Variants in SLC48A1 observed in about 807,000 individuals in gnomAD.
The protein encoded by SLC48A1 is heme transporter HRG1.
In SLC48A1, 6 loss-of-function variants were observed where a neutral mutation model predicts 14.8. The observed-to-expected ratio is 0.41, with a 90% CI of 0.22 to 0.80. The LOEUF (loss-of-function observed/expected upper bound fraction) is 0.80, where lower values mean the gene tolerates loss of function less well. Among genes scored for constraint, SLC48A1 ranks in the 30% least tolerant of loss-of-function variants. SLC48A1 has a pLI of 0.34. For synonymous variants in SLC48A1, 89 were observed against 90.0 expected, an observed-to-expected ratio of 0.99 and a Z score of 0.06; for missense variants, 165 against 204.8, an observed-to-expected ratio of 0.81 and a Z score of 1.19.
upstream of SLC48A1, among the ~76,000 whole-genome samples, chr12:47,770,436 G>T (rs58067800): frequency 6.6e-6 from 1 of 152,140 alleles, no homozygotes; most frequent in Non-Finnish European, 1.5e-5. Flanking sequence ...GCCTGGACCA[G>T]CTCTGAAGCC....
upstream of SLC48A1, chr12:47,770,904 G>T (rs567316685): frequency 7.9e-5 from 36 of 456,148 alleles, no homozygotes; most frequent in African/African-American, 7.0e-4. Flanking sequence ...GCCATCACAC[G>T]TGCGGTTCCC....
upstream of SLC48A1, chr12:47,756,455 G>A (rs1002978391): frequency 7.2e-5 from 11 of 152,290 alleles, no homozygotes; most frequent in African/African-American, 2.4e-4. Context: ...AGGGGTAGCG[G>A]AGGAGGACCC....
upstream of SLC48A1, among the ~76,000 whole-genome samples, chr12:47,770,473 T>C (rs2136857727): frequency 6.6e-6 from 1 of 152,346 alleles, no homozygotes; most frequent in East Asian, 1.9e-4. Context: ...CATGGCAGCC[T>C]TCTGCTGCTA....
chr12:47,779,340 A>C, intron 2 of SLC48A1, 145 bp downstream of exon 2: 2 of 1,236,490 alleles, frequency 1.6e-6, no homozygotes, highest in South Asian at 3.2e-5. Context: ...GTTATGGTTC[A>C]TGTGGAGAAA....
chr12:47,756,926 T>C (rs1424757091), upstream of SLC48A1, among the ~76,000 whole-genome samples: 4 of 151,240 alleles, frequency 2.6e-5, no homozygotes, highest in Non-Finnish European at 5.9e-5. Context: ...CCAAGATTGC[T>C]TCACTGCACT....
chr12:47,763,634 C>G (rs1008730336), intron 2 of SLC48A1, among the ~76,000 whole-genome samples: 1 of 152,198 alleles, frequency 6.6e-6, no homozygotes, highest in African/African-American at 2.4e-5. Flanking sequence ...CTCCCTTGCC[C>G]ATTCCTGGGG....
chr12:47,763,034 TG>T (rs1476054722), intron 2 of SLC48A1, among the ~76,000 whole-genome samples: 2 of 152,196 alleles, frequency 1.3e-5, no homozygotes, highest in Non-Finnish European at 1.5e-5. Flanking sequence ...CCCAGCACAG[TG>T]TCTGGCATGA....
Position 47,781,887 on chromosome 12 carries a change from C to T in SLC48A1, c.*1606C>T, listed in dbSNP as rs1325500919. The T allele has an allele frequency of 6.5e-6, 1 of 152,720 alleles. No individual in the cohort carries two copies. Among genetic ancestry groups the T allele is most frequent in the African/African-American group, 2.4e-5 (1 of 41,464 alleles). The allele number at this position is 152,720 out of a possible 1,614,324, so 9.5% of individuals were successfully genotyped here. A position where few individuals can be genotyped will look rare whatever the true frequency, so the allele number is the denominator to read the frequency against. Reference sequence around the variant, plus strand: ...TCCTGGCATGGGGTAACCACCAGCTCAGCTCTCCTCCTCCAGCTTTCCTCT... The same window carrying T: ...TCCTGGCATGGGGTAACCACCAGCTTAGCTCTCCTCCTCCAGCTTTCCTCT... On this transcript the variant is annotated 3_prime_UTR_variant, in exon 3 of 3. Transcript: ENST00000442218.
chr12:47,766,168 G>A (rs1565777452), intron 2 of SLC48A1, among the ~76,000 whole-genome samples: 1 of 152,176 alleles, frequency 6.6e-6, no homozygotes, highest in South Asian at 2.1e-4. Context: ...CTGGACTAGA[G>A]GGGGACCCAC....
chr12:47,765,360 C>T (rs1192967013), intron 2 of SLC48A1, among the ~76,000 whole-genome samples: 2 of 152,216 alleles, frequency 1.3e-5, no homozygotes, highest in Non-Finnish European at 2.9e-5. Flanking sequence ...GATAGAGAGG[C>T]AGCCCCACTG....
Position 47,773,576 on chromosome 12 carries a change from C to T in SLC48A1, c.136+136C>T, listed in dbSNP as rs1336857800. ...GTGTTTACTCGAAAACAGCGGTTGGCGGCGGCAGGCCCCACGCGGGCCCGG... is the reference window on the plus strand; with the variant it reads ...GTGTTTACTCGAAAACAGCGGTTGGTGGCGGCAGGCCCCACGCGGGCCCGG... On this transcript the variant is annotated intron_variant, in intron 1 of 2. Coordinates refer to ENST00000442218, the MANE Select transcript of SLC48A1 (RefSeq NM_017842.3). 5.0e-6 allele frequency: 6 copies of T among 1,205,376 alleles called. No homozygotes were observed. The African/African-American group carries it at 8.0e-5, about 16-fold the overall frequency. The allele number at this position is 1,205,376 out of a possible 1,614,324, so 74.7% of individuals were successfully genotyped here. A position where few individuals can be genotyped will look rare whatever the true frequency, so the allele number is the denominator to read the frequency against.
intron 2 of SLC48A1, 137 bp downstream of exon 2, chr12:47,779,332 T>C (rs761822681): frequency 2.0e-5 from 25 of 1,268,780 alleles, no homozygotes; most frequent in Non-Finnish European, 2.6e-5. Context: ...CGGGTTTTGT[T>C]ATGGTTCATG....
chr12:47,762,133 A>G (rs1056763302), intron 2 of SLC48A1, among the ~76,000 whole-genome samples: 1 of 152,164 alleles, frequency 6.6e-6, no homozygotes, highest in Non-Finnish European at 1.5e-5. Context: ...TACTCGGACA[A>G]TGAGCTCCTG....
chr12:47,771,931 T>C (rs1037065419), upstream of SLC48A1, among the ~76,000 whole-genome samples: 3 of 134,956 alleles, frequency 2.2e-5, no homozygotes, highest in Non-Finnish European at 3.2e-5. Flanking sequence ...AGACTCCGTC[T>C]CAAAAAAAAA....
chr12:47,761,181 A>G (rs376946846), intron 2 of SLC48A1, among the ~76,000 whole-genome samples: 11 of 142,474 alleles, frequency 7.7e-5, no homozygotes, highest in African/African-American at 2.9e-4. Flanking sequence ...TGGGCGACAG[A>G]GCGAAACTCC....
chr12:47,765,524 T>A (rs1942499193), intron 2 of SLC48A1, among the ~76,000 whole-genome samples: 1 of 152,240 alleles, frequency 6.6e-6, no homozygotes. Flanking sequence ...ACTGCTTCAG[T>A]TCTCCCCAAG....
intron 2 of SLC48A1, among the ~76,000 whole-genome samples, chr12:47,763,179 C>T (rs920097796): frequency 5.9e-5 from 9 of 152,164 alleles, no homozygotes; most frequent in African/African-American, 2.2e-4. Context: ...AATTTCAAGG[C>T]CTTTCATGCC....
intron 1 of SLC48A1, among the ~76,000 whole-genome samples, chr12:47,759,415 G>A (rs1592591020): frequency 6.6e-6 from 1 of 152,336 alleles, no homozygotes; most frequent in East Asian, 1.9e-4. Context: ...ACTGCCCCCT[G>A]CCCCAGCACA....
chr12:47,767,195 G>T (rs60150383), upstream of SLC48A1, among the ~76,000 whole-genome samples: 4 of 151,792 alleles, frequency 2.6e-5, no homozygotes, highest in East Asian at 1.9e-4. Flanking sequence ...GGGCTGGGGT[G>T]GGGGGGTGGA....
Sources: gnomAD v4.1 joint callset for allele counts (sites outside exome capture counted in the v4.1 genomes callset) on GRCh38, gnomAD v4.1.1 for gene constraint, MANE v1.5 for transcripts, NCBI Gene and HGNC (gene_info 2026-07-23, HGNC 2026-07-21) for gene names.